ADCY2: variants seen among roughly 807,000 people sequenced by gnomAD.
ADCY2 encodes the protein adenylate cyclase type 2.
In ADCY2, 31 loss-of-function variants were observed where a neutral mutation model predicts 125.2. That is an observed-to-expected ratio of 0.25 (90% CI 0.19 to 0.33). The LOEUF is 0.33. Ranked by LOEUF, ADCY2 falls within the 10% of genes least tolerant of loss-of-function variation. The pLI, the probability that ADCY2 is intolerant of heterozygous loss-of-function variation, is 1.00. For missense variants in ADCY2, 904 were observed against 1,418.2 expected (o/e 0.64, Z 5.82); for synonymous variants, 512 against 548.4 (o/e 0.93, Z 0.93).
At chr5:7,664,004 C>T (rs1739627685) in intron 4 of ADCY2, among the ~76,000 whole-genome samples, 1 of 151,978 alleles carries the variant, frequency 6.6e-6, no homozygotes, top group African/African-American at 2.4e-5. Context: ...GGATCCAATG[C>T]CTAAAGTACC....
chr5:7,769,043 A>T (rs1031102288), intron 17 of ADCY2, among the ~76,000 whole-genome samples: 1 of 152,204 alleles, frequency 6.6e-6, no homozygotes, highest in African/African-American at 2.4e-5. Context: ...CCTGAAGTTG[A>T]CCAGCAAGCT....
In ADCY2 at chr5:7,533,466, C is replaced by G. The variant is rs539108555; in HGVS notation, c.570+12567C>G. Among the ~76,000 whole-genome samples the G allele has an allele frequency of 5.9e-5, 9 of 151,872 alleles. No homozygotes were observed. The South Asian group carries it at 1.9e-3, about 32-fold the overall frequency. On this transcript the variant is annotated intron_variant, in intron 3 of 24. Coordinates refer to ENST00000338316, the MANE Select transcript of ADCY2 (RefSeq NM_020546.3). ...ATATTTATTATTTTTATTGTTTTAC[C>G]ATTTTTATCTTGATTTTTTAATTAA...
At chr5:7,606,254 G>A (rs1737370899) in intron 3 of ADCY2, among the ~76,000 whole-genome samples, 1 of 152,102 alleles carries the variant, frequency 6.6e-6, no homozygotes, top group Non-Finnish European at 1.5e-5. Context: ...CGATAAAAAT[G>A]TACTTCAAAA....
chr5:7,439,332 G>A (rs544533418), intron 2 of ADCY2, among the ~76,000 whole-genome samples: 1 of 152,206 alleles, frequency 6.6e-6, no homozygotes, highest in Admixed American at 6.5e-5. Flanking sequence ...ATGGCGGCAG[G>A]CAAGAGAGCT....
At chr5:7,492,826 A>G (rs1479523227) in intron 2 of ADCY2, among the ~76,000 whole-genome samples, 2 of 152,114 alleles carry the variant, frequency 1.3e-5, no homozygotes, top group Non-Finnish European at 2.9e-5. Context: ...TAGTTCTGGA[A>G]GTCAGAGGAG....
intron 3 of ADCY2, among the ~76,000 whole-genome samples, chr5:7,525,151 C>T (rs1424779290): frequency 2.6e-5 from 4 of 152,082 alleles, no homozygotes; most frequent in African/African-American, 2.4e-5. Context: ...TACAGGCACA[C>T]GCTGCCATGC....
In ADCY2 at chr5:7,762,726, A is replaced by T. The variant is rs1192611004; in HGVS notation, c.2095-3961A>T. Among the ~76,000 whole-genome samples the T allele has an allele frequency of 3.4e-5, 5 of 149,006 alleles. No individual in the cohort carries two copies. In the South Asian group the frequency reaches 1.1e-3, roughly 32 times the overall value. On this transcript the variant is annotated intron_variant, in intron 16 of 24. Transcript: ENST00000338316. ...TACAGCTTTTCATGTTTTTCTCCGT[A>T]TTTTTTTTTTTCTGAACACATTTTC...
rs542546324 is a variant in ADCY2, at chr5:7,829,216, G to C, written c.*2345G>C. The C allele has an allele frequency of 1.3e-5, 2 of 152,714 alleles. No individual in the cohort carries two copies. Among genetic ancestry groups the C allele is most frequent in the South Asian group, 2.1e-4 (1 of 4,820 alleles). 9.5% of individuals were successfully genotyped at this position (152,714 alleles called of 1,614,324 possible). Reference sequence around the variant, plus strand: ...CCTGAATTTGAGATCCCCGGGGCTGGGGCCCAGCACAACTGCTGTTTAGTG... The same window carrying C: ...CCTGAATTTGAGATCCCCGGGGCTGCGGCCCAGCACAACTGCTGTTTAGTG... On this transcript the variant is annotated 3_prime_UTR_variant, in exon 25 of 25. Coordinates refer to ENST00000338316, the MANE Select transcript of ADCY2 (RefSeq NM_020546.3).
At chr5:7,793,091 G>A (rs1027751352) in intron 20 of ADCY2, among the ~76,000 whole-genome samples, 1 of 152,190 alleles carries the variant, frequency 6.6e-6, no homozygotes, top group Non-Finnish European at 1.5e-5. Context: ...ACCCTCTGGT[G>A]CTCCTGAGGG....
intron 18 of ADCY2, among the ~76,000 whole-genome samples, chr5:7,774,645 A>G (rs1372539744): frequency 6.6e-6 from 1 of 152,168 alleles, no homozygotes; most frequent in East Asian, 1.9e-4. Context: ...GAGACTAGTT[A>G]TCAGGTTGAA....
At chr5:7,541,459 G>C (rs535047490) in intron 3 of ADCY2, among the ~76,000 whole-genome samples, 1 of 152,342 alleles carries the variant, frequency 6.6e-6, no homozygotes, top group East Asian at 1.9e-4. Context: ...GGTAGAGGGT[G>C]TCTGTCTTTG....
intron 3 of ADCY2, among the ~76,000 whole-genome samples, chr5:7,534,139 C>G (rs1734742518): frequency 6.6e-6 from 1 of 152,076 alleles, no homozygotes; most frequent in African/African-American, 2.4e-5. Flanking sequence ...CTGGGCAGGC[C>G]CCTCACTTTG....
chr5:7,508,421 G>C (rs563964667), intron 2 of ADCY2, among the ~76,000 whole-genome samples: 1 of 152,292 alleles, frequency 6.6e-6, no homozygotes, highest in East Asian at 1.9e-4. Flanking sequence ...CACAAGCTCA[G>C]CAGGAAGGAT....
chr5:7,691,916 G>A (rs1740719231), intron 5 of ADCY2: 1 of 156,224 alleles, frequency 6.4e-6, no homozygotes. Flanking sequence ...TACATGTCCA[G>A]AGAAGGAGAA....
At chr5:7,509,400 G>A (rs969950712) in intron 2 of ADCY2, among the ~76,000 whole-genome samples, 7 of 152,190 alleles carry the variant, frequency 4.6e-5, no homozygotes, top group African/African-American at 1.7e-4. Flanking sequence ...CAGAACAGAT[G>A]AAGAGCTGGA....
intron 2 of ADCY2, among the ~76,000 whole-genome samples, chr5:7,499,368 G>A (rs138851873): frequency 5.0e-4 from 76 of 152,102 alleles, no homozygotes; most frequent in Non-Finnish European, 1.0e-3. Context: ...TTTCTGGAAT[G>A]CTTGAGATAT....
At chr5:7,505,162 G>T (rs1743762457) in intron 2 of ADCY2, among the ~76,000 whole-genome samples, 1 of 152,204 alleles carries the variant, frequency 6.6e-6, no homozygotes, top group African/African-American at 2.4e-5. Context: ...AGGATTACAG[G>T]TGTGAGCCAC....
Position 7,414,633 on chromosome 5 carries a change from GC to G in ADCY2, c.272del (p.Ala91GlyfsTer22). Reference sequence around the variant, plus strand: ...TCCAACTGCCCTGGCGATTTTCTTTGCGATATTTATCCTGGTCTGCATCGAG... The same window carrying G: ...TCCAACTGCCCTGGCGATTTTCTTTGGATATTTATCCTGGTCTGCATCGAG... ...TVPTALAIFF[A>X]IFILVCIESV... On this transcript the variant is annotated frameshift_variant, in exon 2 of 25. Coordinates refer to ENST00000338316, the MANE Select transcript of ADCY2 (RefSeq NM_020546.3). LOFTEE classifies it high-confidence loss of function. 6.2e-7 allele frequency: 1 copy of G among 1,613,308 alleles called. No homozygotes were observed. The highest frequency in any genetic ancestry group is 8.5e-7 in the Non-Finnish European group (1 of 1,179,764).
chr5:7,802,896 T>C lies in ADCY2; in HGVS notation c.2775+532T>C, dbSNP rs1744643760. ...TCAACTTTCTACATAGAGAATAGTG[T>C]GTTCTATTTCCCAGTAAGAACAAAC... On this transcript the variant is annotated intron_variant, in intron 21 of 24. Transcript: ENST00000338316. The surrounding 1 kb of genome is among the most constrained non-coding windows in gnomAD (Gnocchi z 4.6). Among the ~76,000 whole-genome samples, 1 of 152,216 alleles carries C rather than the reference T, an allele frequency of 6.6e-6. No homozygotes were observed. The highest frequency in any genetic ancestry group is 2.1e-4 in the South Asian group (1 of 4,832).
Sources: gnomAD v4.1 joint callset for allele counts (sites outside exome capture counted in the v4.1 genomes callset) on GRCh38, gnomAD v4.1.1 for gene constraint, Gnocchi (gnomAD v3.1) non-coding constraint, MANE v1.5 for transcripts, NCBI Gene and HGNC (gene_info 2026-07-23, HGNC 2026-07-21) for gene names.